Variants in BCAS3 observed in about 807,000 individuals in gnomAD.
BCAS3 encodes the protein BCAS3 microtubule associated cell migration factor.
A neutral mutation model predicts 116.1 loss-of-function variants in BCAS3; 53 were observed. The ratio of observed to expected loss-of-function variants is 0.46; its 90% confidence interval spans 0.37 to 0.57. The LOEUF (loss-of-function observed/expected upper bound fraction) is 0.57, where lower values mean the gene tolerates loss of function less well. BCAS3 is among the 20% of genes least tolerant of loss of function. The pLI is 0.00. For synonymous variants in BCAS3, 391 were observed against 408.2 expected (o/e 0.96, Z 0.51); for missense variants, 917 against 1,165.4 (o/e 0.79, Z 3.10).
At chr17:60,971,312 C>A (rs1158476575) in intron 14 of BCAS3, among the ~76,000 whole-genome samples, 1 of 152,094 alleles carries the variant, frequency 6.6e-6, no homozygotes, top group Non-Finnish European at 1.5e-5. Flanking sequence ...TAGGAGGCGG[C>A]GAACTTTTTC....
At chr17:60,819,294 A>G (rs953759308) in intron 7 of BCAS3, among the ~76,000 whole-genome samples, 1 of 152,194 alleles carries the variant, frequency 6.6e-6, no homozygotes, top group Admixed American at 6.5e-5. Flanking sequence ...CATGCTGAAC[A>G]AATCTCAGTG....
chr17:60,917,681 C>T (rs866198113), intron 12 of BCAS3, among the ~76,000 whole-genome samples: 1 of 152,178 alleles, frequency 6.6e-6, no homozygotes, highest in South Asian at 2.1e-4. Context: ...GCAACTGCTG[C>T]CTCTTGGGTT....
intron 6 of BCAS3, among the ~76,000 whole-genome samples, chr17:60,787,425 TGA>T (rs2046374787): frequency 6.6e-6 from 1 of 152,230 alleles, no homozygotes; most frequent in Non-Finnish European, 1.5e-5. Flanking sequence ...TTTCATTATA[TGA>T]ATATAACAAG....
chr17:61,077,316 G>A lies in BCAS3; in HGVS notation c.2131-1017G>A, dbSNP rs911069774. The stretch of plus-strand genomic sequence containing the variant: ...GCGGATCACCAGGTCAGGAGACCAA[G>A]ACCATCCTGGCTAACACGGTGAAAC... On this transcript the variant is annotated intron_variant, in intron 20 of 23. Transcript: ENST00000407086. This position sits in a 1 kb window ranked among gnomAD's most constrained non-coding sequence, Gnocchi z 4.3. Among the ~76,000 whole-genome samples, 1 of 152,172 alleles carries A rather than the reference G, an allele frequency of 6.6e-6. No individual in the cohort carries two copies. The highest frequency in any genetic ancestry group is 2.4e-5 in the African/African-American group (1 of 41,448).
chr17:61,067,129 T>G (rs2143364040), intron 19 of BCAS3, among the ~76,000 whole-genome samples: 1 of 151,070 alleles, frequency 6.6e-6, no homozygotes, highest in Non-Finnish European at 1.5e-5. Flanking sequence ...AAAATAGAAC[T>G]CTTCTAAGAT....
chr17:60,866,329 A>G (rs112586720), intron 7 of BCAS3, among the ~76,000 whole-genome samples: 10,120 of 151,980 alleles, frequency 0.067, 1,106 homozygotes, highest in African/African-American at 0.23. Flanking sequence ...GGGTTTCTCC[A>G]TGTTGGTCAG....
At chr17:60,954,785 G>T (rs1315732582) in intron 14 of BCAS3, among the ~76,000 whole-genome samples, 1 of 151,788 alleles carries the variant, frequency 6.6e-6, no homozygotes, top group African/African-American at 2.4e-5. Context: ...CCTTCTTGAG[G>T]GTAATAAGGA....
chr17:60,855,258 T>TTTG (rs1440296065), intron 7 of BCAS3, among the ~76,000 whole-genome samples: 3 of 151,172 alleles, frequency 2.0e-5, no homozygotes, highest in African/African-American at 7.3e-5. Context: ...AGTTTTTTGT[T>TTTG]TTGTTGTTGT....
chr17:61,322,826 G>GAC (rs2055370535), intron 22 of BCAS3, among the ~76,000 whole-genome samples: 25 of 104,310 alleles, frequency 2.4e-4, no homozygotes, highest in South Asian at 6.1e-4. Context: ...GAGAGAGAGA[G>GAC]AGACAGAGAG....
chr17:60,855,576 T>C (rs1434936393), intron 7 of BCAS3, among the ~76,000 whole-genome samples: 1 of 151,218 alleles, frequency 6.6e-6, no homozygotes, highest in African/African-American at 2.4e-5. Context: ...TGCCTCAGCC[T>C]CCTGAATAGC....
In BCAS3 at chr17:61,156,029, T is replaced by A. The variant is rs1266704318; in HGVS notation, c.2425+71465T>A. Among the ~76,000 whole-genome samples, 3 of 148,744 alleles carry A rather than the reference T, an allele frequency of 2.0e-5. No individual in the cohort carries two copies. Among genetic ancestry groups the A allele is most frequent in the Non-Finnish European group, 4.4e-5 (3 of 67,986 alleles). ...TTTCATGGTATTGTTTAAAGTGACT[T>A]AAATGACTTTTCCCAACAAGCTCAC... On this transcript the variant is annotated intron_variant, in intron 22 of 23. Transcript: ENST00000407086. The surrounding 1 kb of genome is among the most constrained non-coding windows in gnomAD (Gnocchi z 4.7).
In BCAS3 at chr17:61,302,682, T is replaced by A. The variant is rs576100643; in HGVS notation, c.2426-65645T>A. Among the ~76,000 whole-genome samples, 1 of 152,298 alleles carries A rather than the reference T, an allele frequency of 6.6e-6. No homozygotes were observed. The highest frequency in any genetic ancestry group is 2.1e-4 in the South Asian group (1 of 4,824). On this transcript the variant is annotated intron_variant, in intron 22 of 23. Transcript: ENST00000407086. This position sits in a 1 kb window ranked among gnomAD's most constrained non-coding sequence, Gnocchi z 4.4. ...ATGAGTGACAGAATTCTAGAATTCA[T>A]ATTTTTTTTTCAGCTTTGAAAGAAC...
intron 7 of BCAS3, among the ~76,000 whole-genome samples, chr17:60,867,601 C>A (rs1472664610): frequency 6.6e-6 from 1 of 151,990 alleles, no homozygotes; most frequent in South Asian, 2.1e-4. Context: ...TATCTAGAGA[C>A]CTTGGTAAAT....
At chr17:60,786,612 A>G (rs536673751) in intron 6 of BCAS3, among the ~76,000 whole-genome samples, 8 of 151,726 alleles carry the variant, frequency 5.3e-5, no homozygotes, top group African/African-American at 1.7e-4. Context: ...ATCTATGTAT[A>G]TTACTATAAA....
intron 22 of BCAS3, among the ~76,000 whole-genome samples, chr17:61,121,852 C>A (rs1398080430): frequency 6.6e-6 from 1 of 152,174 alleles, no homozygotes; most frequent in Non-Finnish European, 1.5e-5. Context: ...GCCTCAGCCT[C>A]CCAAGTGGCT....
Position 61,214,707 on chromosome 17 carries a change from A to C in BCAS3, c.2425+130143A>C, listed in dbSNP as rs1277129893. Among the ~76,000 whole-genome samples, 1 of 152,212 alleles carries C rather than the reference A, an allele frequency of 6.6e-6. No homozygotes were observed. The highest frequency in any genetic ancestry group is 6.5e-5 in the Admixed American group (1 of 15,284). On this transcript the variant is annotated intron_variant, in intron 22 of 23. Transcript: ENST00000407086. The surrounding 1 kb of genome is among the most constrained non-coding windows in gnomAD (Gnocchi z 4.4). ...CTCCATCTCAAAAAAAAAGAAAAAA[A>C]GAAAAAAATTCAAAAACATTTTTTA...
At chr17:61,382,634 T>G in intron 23 of BCAS3, among the ~76,000 whole-genome samples, 1 of 148,188 alleles carries the variant, frequency 6.7e-6, no homozygotes, top group African/African-American at 2.5e-5. Flanking sequence ...CCAGCCTGGG[T>G]GAAAGAGCAA....
intron 14 of BCAS3, among the ~76,000 whole-genome samples, chr17:60,968,400 T>TTTG (rs1156609698): frequency 6.6e-6 from 1 of 151,964 alleles, no homozygotes; most frequent in African/African-American, 2.4e-5. Flanking sequence ...AAGAATTTTT[T>TTTG]TTGTTGTTGT....
rs2076940883 is a variant in BCAS3 at position 61,141,904 on chromosome 17, A to G, written c.2425+57340A>G. Among the ~76,000 whole-genome samples the G allele has an allele frequency of 3.1e-5, 1 of 31,952 alleles. No homozygotes were observed. The highest frequency in any genetic ancestry group is 3.5e-5 in the African/African-American group (1 of 28,412). 21.0% of individuals were successfully genotyped at this position (31,952 alleles called of 152,430 possible). A position where few individuals can be genotyped will look rare whatever the true frequency, so the allele number is the denominator to read the frequency against. Reference sequence around the variant, plus strand: ...GACAGAGCGAGACCCCACCTCAAGAAAAAAAAAAAAAAAAAAGTTAGACAA... The same window carrying G: ...GACAGAGCGAGACCCCACCTCAAGAGAAAAAAAAAAAAAAAAGTTAGACAA... On this transcript the variant is annotated intron_variant, in intron 22 of 23. Coordinates refer to ENST00000407086, the MANE Select transcript of BCAS3 (RefSeq NM_017679.5). This position sits in a 1 kb window ranked among gnomAD's most constrained non-coding sequence, Gnocchi z 4.3.
Sources: gnomAD v4.1 joint callset for allele counts (sites outside exome capture counted in the v4.1 genomes callset) on GRCh38, gnomAD v4.1.1 for gene constraint, Gnocchi (gnomAD v3.1) non-coding constraint, MANE v1.5 for transcripts, NCBI Gene and HGNC (gene_info 2026-07-23, HGNC 2026-07-21) for gene names.